The following ZFPM2 variants were observed in gnomAD, a reference collection of about 807,000 sequenced individuals.
ZFPM2 encodes zinc finger protein ZFPM2.
ZFPM2 carries 20 observed loss-of-function variants against 98.6 expected under a neutral mutation model. The observed-to-expected ratio is 0.20, with a 90% CI of 0.14 to 0.29. The LOEUF is 0.29. Ranked by LOEUF, ZFPM2 falls within the 10% of genes least tolerant of loss-of-function variation. The pLI is 1.00. For missense variants in ZFPM2, 1,310 were observed against 1,388.6 expected (o/e 0.94, Z 0.90); for synonymous variants, 518 against 502.7 (o/e 1.03, Z -0.41).
At chr8:105,369,938 A>T (rs1179256282) in intron 1 of ZFPM2, among the ~76,000 whole-genome samples, 2 of 152,174 alleles carry the variant, frequency 1.3e-5, no homozygotes, top group African/African-American at 4.8e-5. Flanking sequence ...TGTGTTTGTG[A>T]TTATAACAGT....
At chr8:105,464,824 T>C (rs1349664421) in intron 3 of ZFPM2, among the ~76,000 whole-genome samples, 2 of 151,968 alleles carry the variant, frequency 1.3e-5, no homozygotes, top group Non-Finnish European at 2.9e-5. Flanking sequence ...AAGTTCCAAC[T>C]GTATTGAAAG....
chr8:105,429,445 A>AATATATATATATATATAT lies in ZFPM2; in HGVS notation c.199+10146_199+10163dup, dbSNP rs142230291. Among the ~76,000 whole-genome samples, 546 of 138,290 alleles carry AATATATATATATATATAT rather than the reference A, an allele frequency of 3.9e-3. 28 individuals carry two copies. The highest frequency in any genetic ancestry group is 0.016 in the African/African-American group (525 of 31,946). 90.7% of individuals were successfully genotyped at this position (138,290 alleles called of 152,430 possible). On this transcript the variant is annotated intron_variant, in intron 2 of 7. Coordinates refer to ENST00000407775, the MANE Select transcript of ZFPM2 (RefSeq NM_012082.4). ...AAAACGTGCACAAGTTAGACAAGGA[A>AATATATATATATATATAT]ATATATATATATATATATATGGAAA... is the stretch of plus-strand genomic sequence containing the variant.
intron 5 of ZFPM2, among the ~76,000 whole-genome samples, chr8:105,681,893 T>C (rs1810613573): frequency 6.6e-6 from 1 of 152,072 alleles, no homozygotes; most frequent in Admixed American, 6.6e-5. Flanking sequence ...CCCCAGTGGA[T>C]TAAACTCTAT....
intron 4 of ZFPM2, among the ~76,000 whole-genome samples, chr8:105,585,769 G>A (rs1815698295): frequency 6.6e-6 from 1 of 152,030 alleles, no homozygotes; most frequent in Non-Finnish European, 1.5e-5. Context: ...GGAGTTTGAG[G>A]TTGCAGTGAG....
In ZFPM2 at chr8:105,654,722, A is replaced by T. The variant is rs543562058; in HGVS notation, c.532+20365A>T. ...TATTCAAGCAGCTCCATCAGAACTG[A>T]GTATAAAAGGTCTGTGTGGAAGGAG... is the stretch of plus-strand genomic sequence containing the variant. On this transcript the variant is annotated intron_variant, in intron 5 of 7. Transcript: ENST00000407775. 2.0e-5 allele frequency among the ~76,000 whole-genome samples: 3 copies of T among 152,298 alleles called. No homozygotes were observed. In the South Asian group the frequency reaches 6.2e-4, roughly 32 times the overall value.
At chr8:105,330,557 T>TATATAC (rs1812197168) in intron 1 of ZFPM2, among the ~76,000 whole-genome samples, 2 of 120,822 alleles carry the variant, frequency 1.7e-5, no homozygotes, top group African/African-American at 6.7e-5. Flanking sequence ...TATATACATA[T>TATATAC]ATATATATAT....
intron 1 of ZFPM2, among the ~76,000 whole-genome samples, chr8:105,370,251 C>T (rs182256270): frequency 2.0e-4 from 30 of 152,256 alleles, no homozygotes; most frequent in Non-Finnish European, 3.7e-4. Flanking sequence ...AGATAGCATA[C>T]GTAAATTGCA....
chr8:105,460,263 G>C (rs1407029330), intron 3 of ZFPM2, among the ~76,000 whole-genome samples: 1 of 152,154 alleles, frequency 6.6e-6, no homozygotes, highest in Non-Finnish European at 1.5e-5. Flanking sequence ...GGATCTGCTG[G>C]CTCTTCCAAA....
intron 5 of ZFPM2, among the ~76,000 whole-genome samples, chr8:105,713,668 G>T (rs1680286081): frequency 6.6e-6 from 1 of 151,552 alleles, no homozygotes; most frequent in Admixed American, 6.6e-5. Flanking sequence ...AGGCATCCAG[G>T]CTGCATATGC....
chr8:105,405,239 A>C (rs1255391626), intron 1 of ZFPM2, among the ~76,000 whole-genome samples: 1 of 151,920 alleles, frequency 6.6e-6, no homozygotes, highest in African/African-American at 2.4e-5. Flanking sequence ...GGGTTTGCTG[A>C]TGTGAGATAA....
chr8:105,623,498 T>G (rs1816596003), intron 4 of ZFPM2, among the ~76,000 whole-genome samples: 1 of 152,230 alleles, frequency 6.6e-6, no homozygotes, highest in Non-Finnish European at 1.5e-5. Flanking sequence ...TTTTAAAATT[T>G]ACTATATTAA....
intron 1 of ZFPM2, among the ~76,000 whole-genome samples, chr8:105,325,817 T>A: frequency 6.6e-6 from 1 of 151,800 alleles, no homozygotes. Context: ...AATTGTCTAG[T>A]CAGGATTATT....
chr8:105,350,867 T>C (rs779698394), intron 1 of ZFPM2, among the ~76,000 whole-genome samples: 1 of 152,064 alleles, frequency 6.6e-6, no homozygotes, highest in African/African-American at 2.4e-5. Context: ...CCCTAGCAGA[T>C]ACTAGATTCC....
intron 5 of ZFPM2, among the ~76,000 whole-genome samples, chr8:105,692,658 A>G (rs1162627745): frequency 1.3e-5 from 2 of 152,358 alleles, no homozygotes; most frequent in East Asian, 1.9e-4. Context: ...CCTTAGAAAT[A>G]TGGATGTGAT....
intron 5 of ZFPM2, among the ~76,000 whole-genome samples, chr8:105,690,605 A>G (rs1810855742): frequency 6.6e-6 from 1 of 152,092 alleles, no homozygotes; most frequent in Non-Finnish European, 1.5e-5. Context: ...GTACAACGAA[A>G]TGAGACTCAC....
intron 3 of ZFPM2, among the ~76,000 whole-genome samples, chr8:105,552,006 G>T (rs1359940848): frequency 3.3e-5 from 5 of 152,112 alleles, no homozygotes; most frequent in African/African-American, 1.2e-4. Flanking sequence ...TGAAAAGCAG[G>T]CAGTTTTAAC....
chr8:105,596,739 C>CTTTTTTTTTTTTTTT (rs910632602), intron 4 of ZFPM2, among the ~76,000 whole-genome samples: 3 of 58,958 alleles, frequency 5.1e-5, no homozygotes, highest in Admixed American at 2.0e-4. Flanking sequence ...CCTTTGTCTG[C>CTTTTTTTTTTTTTTT]TTTTTTTTTT....
chr8:105,601,388 G>A lies in ZFPM2; in HGVS notation c.421-32858G>A, dbSNP rs16873434. 7.5e-3 allele frequency among the ~76,000 whole-genome samples: 1,145 copies of A among 152,160 alleles called. 12 individuals carry two copies. The highest frequency in any genetic ancestry group is 0.026 in the African/African-American group (1,074 of 41,536). Reference sequence around the variant, plus strand: ...AATTCATCACCTGTTCCCTGGTCTTGTTCCCTAATTAACTGGATTTGGACA... The same window carrying A: ...AATTCATCACCTGTTCCCTGGTCTTATTCCCTAATTAACTGGATTTGGACA... On this transcript the variant is annotated intron_variant, in intron 4 of 7. Transcript: ENST00000407775.
intron 5 of ZFPM2, among the ~76,000 whole-genome samples, chr8:105,747,351 G>A (rs1812372144): frequency 6.6e-6 from 1 of 151,994 alleles, no homozygotes; most frequent in African/African-American, 2.4e-5. Context: ...GAGAGAGTTT[G>A]GTCCTCTTTT....
Sources: allele counts gnomAD v4.1 joint callset (sites outside exome capture counted in the v4.1 genomes callset), GRCh38; gene constraint gnomAD v4.1.1; transcripts MANE v1.5; gene names NCBI Gene and HGNC (gene_info 2026-07-23, HGNC 2026-07-21).